PAK2: variants seen among roughly 807,000 people sequenced by gnomAD.
PAK2 encodes serine/threonine-protein kinase PAK 2.
A neutral mutation model predicts 65.9 loss-of-function variants in PAK2; 21 were observed. The observed-to-expected ratio is 0.32, with a 90% CI of 0.23 to 0.46. The LOEUF is 0.46. Among genes scored for constraint, PAK2 ranks in the 20% least tolerant of loss-of-function variants. The pLI is 1.00. For missense variants in PAK2, 324 were observed against 642.6 expected, an observed-to-expected ratio of 0.50 and a Z score of 5.36; for synonymous variants, 204 against 219.7, an observed-to-expected ratio of 0.93 and a Z score of 0.63.
intron 13 of PAK2, among the ~76,000 whole-genome samples, chr3:196,825,608 A>G (rs1303249998): frequency 2.0e-5 from 3 of 152,158 alleles, no homozygotes; most frequent in Non-Finnish European, 2.9e-5. Context: ...GTGCCATTGC[A>G]TTCCAGCCTG....
At chr3:196,815,134 C>G (rs1329549652) in intron 11 of PAK2, among the ~76,000 whole-genome samples, 4 of 150,058 alleles carry the variant, frequency 2.7e-5, no homozygotes, top group African/African-American at 9.8e-5. Context: ...GAGCCGAGAT[C>G]ACACCACTGC....
chr3:196,742,756 TACA>T (rs1181707476), intron 1 of PAK2, among the ~76,000 whole-genome samples: 4 of 151,864 alleles, frequency 2.6e-5, no homozygotes, highest in African/African-American at 7.3e-5. Context: ...CTACTAAAAA[TACA>T]ACAAAAAATT....
At chr3:196,747,603 A>G (rs1399622434) in intron 1 of PAK2, among the ~76,000 whole-genome samples, 4 of 152,120 alleles carry the variant, frequency 2.6e-5, no homozygotes, top group Admixed American at 2.0e-4. Flanking sequence ...AACATAATCC[A>G]TTTTGGAAAA....
intron 2 of PAK2, among the ~76,000 whole-genome samples, chr3:196,794,448 G>A (rs891019921): frequency 6.6e-6 from 1 of 152,178 alleles, no homozygotes; most frequent in Non-Finnish European, 1.5e-5. Context: ...TCGGACTTCC[G>A]TATCTGCAAC....
intron 2 of PAK2, among the ~76,000 whole-genome samples, chr3:196,793,140 T>C (rs1334154240): frequency 1.3e-5 from 2 of 152,132 alleles, no homozygotes; most frequent in Non-Finnish European, 1.5e-5. Flanking sequence ...ACTCCTCCTT[T>C]ACACCCCACA....
intron 7 of PAK2, among the ~76,000 whole-genome samples, chr3:196,808,633 G>C (rs2108761587): frequency 6.6e-6 from 1 of 150,654 alleles, no homozygotes; most frequent in Non-Finnish European, 1.5e-5. Context: ...GGGAGACCAA[G>C]GTGGGTGGAT....
chr3:196,767,724 G>A (rs1403095955), intron 1 of PAK2, among the ~76,000 whole-genome samples: 1 of 152,124 alleles, frequency 6.6e-6, no homozygotes, highest in Non-Finnish European at 1.5e-5. Context: ...TCGATCTCCT[G>A]ACCTCGTGAT....
At chr3:196,745,818 T>TAAAAAAA (rs747996109) in intron 1 of PAK2, among the ~76,000 whole-genome samples, 7 of 142,222 alleles carry the variant, frequency 4.9e-5, no homozygotes, top group African/African-American at 1.8e-4. Context: ...CATCTCTAAG[T>TAAAAAAA]AAAAAAAAAA....
Position 196,810,637 on chromosome 3 carries a change from GA to G in PAK2, c.763del (p.Ile255LeufsTer36). On this transcript the variant is annotated frameshift_variant, in exon 8 of 15. Coordinates refer to ENST00000327134, the MANE Select transcript of PAK2 (RefSeq NM_002577.4). LOFTEE classifies it high-confidence loss of function. ...CCCTAAGAAAAAATATACAAGATAT[GA>G]AAAAATTGGACAAGGGTAAGTATTT... ...GDPKKKYTRY[E>X]KIGQGASGTV... 2.0e-6 allele frequency: 3 copies of G among 1,507,226 alleles called. No homozygotes were observed. The highest frequency in any genetic ancestry group is 2.8e-6 in the Non-Finnish European group (3 of 1,083,472). 93.4% of individuals were successfully genotyped at this position (1,507,226 alleles called of 1,614,324 possible).
intron 1 of PAK2, among the ~76,000 whole-genome samples, chr3:196,744,999 C>T (rs1713326405): frequency 6.6e-6 from 1 of 151,728 alleles, no homozygotes; most frequent in South Asian, 2.1e-4. Flanking sequence ...TGTAGAAGCT[C>T]TTCACATGTA....
At chr3:196,775,380 ATTTAT>A (rs1354778278) in intron 1 of PAK2, among the ~76,000 whole-genome samples, 1 of 151,552 alleles carries the variant, frequency 6.6e-6, no homozygotes, top group African/African-American at 2.4e-5. Flanking sequence ...TAGAAAAAAT[ATTTAT>A]TTATTTATTT....
intron 5 of PAK2, among the ~76,000 whole-genome samples, chr3:196,806,207 G>A (rs896996297): frequency 5.9e-5 from 9 of 151,926 alleles, no homozygotes; most frequent in East Asian, 5.8e-4. Context: ...CACCATGCCC[G>A]GCCCCAAATC....
At chr3:196,751,674 C>CATATATATAT (rs149522539) in intron 1 of PAK2, among the ~76,000 whole-genome samples, 1,146 of 71,748 alleles carry the variant, frequency 0.016, 74 homozygotes, top group Middle Eastern at 0.042. Context: ...TATTTATATA[C>CATATATATAT]ATATATATAT....
At chr3:196,744,419 G>T (rs569196398) in intron 1 of PAK2, among the ~76,000 whole-genome samples, 27 of 152,282 alleles carry the variant, frequency 1.8e-4, no homozygotes, top group African/African-American at 6.0e-4. Context: ...TATTTAAAGA[G>T]TGAAAATTCT....
chr3:196,772,442 A>T (rs111899459), intron 1 of PAK2, among the ~76,000 whole-genome samples: 1 of 152,158 alleles, frequency 6.6e-6, no homozygotes, highest in African/African-American at 2.4e-5. Context: ...TAGCCCATCC[A>T]TGCATTTAAA....
At chr3:196,789,622 C>T (rs994868617) in intron 2 of PAK2, among the ~76,000 whole-genome samples, 3 of 152,052 alleles carry the variant, frequency 2.0e-5, no homozygotes, top group African/African-American at 7.3e-5. Flanking sequence ...GCCACCACGC[C>T]CAGCTAATTT....
intron 1 of PAK2, among the ~76,000 whole-genome samples, chr3:196,762,498 C>T (rs1439333816): frequency 3.3e-5 from 5 of 150,802 alleles, no homozygotes; most frequent in African/African-American, 9.7e-5. Context: ...GGCTGGAGAC[C>T]GGCCCGGCCA....
chr3:196,802,985 C>T, intron 3 of PAK2, 32 bp from the exon 4 acceptor site: 1 of 1,465,708 alleles, frequency 6.8e-7, no homozygotes, highest in Non-Finnish European at 9.2e-7. Flanking sequence ...TCAATTTAAA[C>T]CATAACTAAT....
intron 12 of PAK2, among the ~76,000 whole-genome samples, chr3:196,819,695 C>CT (rs1711589490): frequency 6.6e-6 from 1 of 152,170 alleles, no homozygotes; most frequent in Admixed American, 6.5e-5. Flanking sequence ...CTAATCCTGA[C>CT]TTTTCCACTA....
Sources: gnomAD v4.1 joint callset for allele counts (sites outside exome capture counted in the v4.1 genomes callset) on GRCh38, gnomAD v4.1.1 for gene constraint, MANE v1.5 for transcripts, NCBI Gene and HGNC (gene_info 2026-07-23, HGNC 2026-07-21) for gene names.